KIF16B: variants seen among roughly 807,000 people sequenced by gnomAD.
KIF16B encodes kinesin-like protein KIF16B.
KIF16B carries 98 observed loss-of-function variants against 156.3 expected under a neutral mutation model. The observed-to-expected ratio is 0.63, with a 90% CI of 0.53 to 0.74. The LOEUF is 0.74. Among genes scored for constraint, KIF16B ranks in the 30% least tolerant of loss-of-function variants. KIF16B has a pLI of 0.00. For missense variants in KIF16B, 1,421 were observed against 1,606.5 expected, an observed-to-expected ratio of 0.88 and a Z score of 1.97; for synonymous variants, 564 against 583.7, an observed-to-expected ratio of 0.97 and a Z score of 0.49.
At position 16,390,052 on chromosome 20, in the gene KIF16B, C is replaced by A. The variant is rs773019652; in HGVS notation, c.1785-8305G>T. ...TGTGTATCAAGATGGGGGTGGGATACAAGAAGTCTCACAATGCAATTTATT... is the reference window on the plus strand; with the variant it reads ...TGTGTATCAAGATGGGGGTGGGATAAAAGAAGTCTCACAATGCAATTTATT... On this transcript the variant is annotated intron_variant, in intron 17 of 25. Coordinates refer to ENST00000354981, the MANE Select transcript of KIF16B (RefSeq NM_024704.5). Among the ~76,000 whole-genome samples, 239 of 152,176 alleles carry A rather than the reference C, an allele frequency of 1.6e-3. 1 individual carries two copies. Among genetic ancestry groups the A allele is most frequent in the Admixed American group, 3.7e-3 (56 of 15,288 alleles).
At position 16,379,296 on chromosome 20, in the gene KIF16B, C is replaced by T. The variant is rs2065030063; in HGVS notation, c.2706G>A (p.Leu902=). 7 of 1,613,176 alleles carry T rather than the reference C, an allele frequency of 4.3e-6. No individual in the cohort carries two copies. Among genetic ancestry groups the T allele is most frequent in the Non-Finnish European group, 5.9e-6 (7 of 1,179,836 alleles). The change falls in exon 19 of 26, where the codon CTG becomes CTA. Residue 902 remains leucine (L), a synonymous_variant. Transcript: ENST00000354981. ...FEKIKPVEYR[L]QYKERQLQYL... The stretch of plus-strand genomic sequence containing the variant: ...ACTGTAGCTGGCGTTCTTTATATTG[C>T]AGCCTGTACTCCACTGGCTTTATTT...
chr20:16,522,432 CA>C (rs2069386305), intron 3 of KIF16B, among the ~76,000 whole-genome samples: 1 of 152,184 alleles, frequency 6.6e-6, no homozygotes, highest in South Asian at 2.1e-4. Flanking sequence ...AAGGGCATTA[CA>C]TAATGTTAAA....
In KIF16B at chr20:16,318,611, T is replaced by A. The variant is rs112257598; in HGVS notation, c.3712-6193A>T. Among the ~76,000 whole-genome samples the A allele has an allele frequency of 4.1e-3, 621 of 151,926 alleles. 9 individuals are homozygous for A. Among genetic ancestry groups the A allele is most frequent in the African/African-American group, 0.014 (585 of 41,420 alleles). ...CTCCCAGTGGCCAAAGCTGAGACAATTTGAAAAAGAAAATTAAAAAGTATT... is the reference window on the plus strand; with the variant it reads ...CTCCCAGTGGCCAAAGCTGAGACAAATTGAAAAAGAAAATTAAAAAGTATT... On this transcript the variant is annotated intron_variant, in intron 24 of 25. Coordinates refer to ENST00000354981, the MANE Select transcript of KIF16B (RefSeq NM_024704.5).
intron 23 of KIF16B, among the ~76,000 whole-genome samples, chr20:16,354,682 A>C (rs568902834): frequency 6.6e-6 from 1 of 152,222 alleles, no homozygotes; most frequent in Non-Finnish European, 1.5e-5. Context: ...GCGGTGGCTC[A>C]TGCCTGTAAT....
At chr20:16,500,001 T>C (rs1035973383) in intron 10 of KIF16B, among the ~76,000 whole-genome samples, 4 of 152,194 alleles carry the variant, frequency 2.6e-5, no homozygotes, top group African/African-American at 7.2e-5. Flanking sequence ...AGGGTAGTAA[T>C]AGCAGTTCTA....
At chr20:16,304,450 G>A (rs752434632) in intron 25 of KIF16B, among the ~76,000 whole-genome samples, 1 of 152,124 alleles carries the variant, frequency 6.6e-6, no homozygotes, top group East Asian at 1.9e-4. Context: ...CAGTTTCCTT[G>A]AATACTCCAA....
intron 12 of KIF16B, among the ~76,000 whole-genome samples, chr20:16,459,221 T>G (rs534588077): frequency 1.3e-5 from 2 of 152,308 alleles, no homozygotes; most frequent in East Asian, 1.9e-4. Flanking sequence ...TTGACTAATA[T>G]AGAGAGGCAT....
intron 6 of KIF16B, among the ~76,000 whole-genome samples, chr20:16,508,963 T>C (rs2068874027): frequency 6.6e-6 from 1 of 152,160 alleles, no homozygotes; most frequent in African/African-American, 2.4e-5. Flanking sequence ...GTCCCTATGC[T>C]ATAGCTCCCC....
intron 12 of KIF16B, 71 bp from the exon 13 acceptor site, chr20:16,430,053 A>G (rs893293540): frequency 6.3e-6 from 9 of 1,428,434 alleles, no homozygotes; most frequent in Admixed American, 2.3e-5. Flanking sequence ...GGTGTTCTTC[A>G]GATTGTCAGA....
chr20:16,327,035 A>T (rs2063864675), intron 24 of KIF16B, among the ~76,000 whole-genome samples: 1 of 146,644 alleles, frequency 6.8e-6, no homozygotes, highest in Non-Finnish European at 1.5e-5. Context: ...ATATATACAC[A>T]CACACATATA....
intron 12 of KIF16B, among the ~76,000 whole-genome samples, chr20:16,463,210 A>C (rs1046511419): frequency 3.9e-5 from 6 of 152,154 alleles, no homozygotes; most frequent in African/African-American, 1.2e-4. Flanking sequence ...TTGCCTATTT[A>C]ACCTCCACTC....
chr20:16,325,961 A>T (rs1209306786), intron 24 of KIF16B, among the ~76,000 whole-genome samples: 3 of 152,180 alleles, frequency 2.0e-5, no homozygotes, highest in Non-Finnish European at 2.9e-5. Flanking sequence ...ACATAGACCA[A>T]CACAACAGAA....
At chr20:16,531,580 A>G (rs2069750989) in intron 1 of KIF16B, among the ~76,000 whole-genome samples, 1 of 152,088 alleles carries the variant, frequency 6.6e-6, no homozygotes, top group African/African-American at 2.4e-5. Flanking sequence ...GAGCTGCCCT[A>G]TAGGGAACCA....
chr20:16,470,629 A>G (rs1011684205), intron 12 of KIF16B, among the ~76,000 whole-genome samples: 3 of 150,884 alleles, frequency 2.0e-5, no homozygotes, highest in Admixed American at 6.6e-5. Flanking sequence ...AACTACAGGC[A>G]TGCACCACCA....
chr20:16,464,025 G>T (rs114515008), intron 12 of KIF16B, among the ~76,000 whole-genome samples: 59 of 152,264 alleles, frequency 3.9e-4, no homozygotes, highest in African/African-American at 1.4e-3. Flanking sequence ...TAGTCATCCA[G>T]AGGTACGTGA....
At chr20:16,529,949 C>G (rs2069684718) in intron 1 of KIF16B, among the ~76,000 whole-genome samples, 1 of 152,172 alleles carries the variant, frequency 6.6e-6, no homozygotes, top group Non-Finnish European at 1.5e-5. Flanking sequence ...GAGTGAAATT[C>G]TGTCCCAGAA....
chr20:16,395,779 A>G (rs1417413148), intron 17 of KIF16B, among the ~76,000 whole-genome samples: 1 of 152,124 alleles, frequency 6.6e-6, no homozygotes, highest in African/African-American at 2.4e-5. Flanking sequence ...TACAGCCTAG[A>G]ACTGTGTCTA....
intron 25 of KIF16B, among the ~76,000 whole-genome samples, chr20:16,305,965 C>T (rs1601534539): frequency 1.3e-5 from 2 of 152,132 alleles, no homozygotes; most frequent in South Asian, 4.1e-4. Context: ...ATGTTTTAAA[C>T]CTCACTCTGT....
At chr20:16,470,270 T>C (rs1403728833) in intron 12 of KIF16B, among the ~76,000 whole-genome samples, 1 of 152,188 alleles carries the variant, frequency 6.6e-6, no homozygotes, top group Non-Finnish European at 1.5e-5. Flanking sequence ...ACTACATCTT[T>C]ATACATTTGT....
Sources: allele counts gnomAD v4.1 joint callset (sites outside exome capture counted in the v4.1 genomes callset), GRCh38; gene constraint gnomAD v4.1.1; transcripts MANE v1.5; gene names NCBI Gene and HGNC (gene_info 2026-07-23, HGNC 2026-07-21).